Variants in PLCL1 observed in about 807,000 individuals in gnomAD.
The protein encoded by PLCL1 is inactive phospholipase C-like protein 1.
A neutral mutation model predicts 84.4 loss-of-function variants in PLCL1; 41 were observed. The ratio of observed to expected loss-of-function variants is 0.49; its 90% confidence interval spans 0.38 to 0.63. The LOEUF (loss-of-function observed/expected upper bound fraction) is 0.63. Among genes scored for constraint, PLCL1 ranks in the 30% least tolerant of loss-of-function variants. The pLI is 0.00. For synonymous variants in PLCL1, 490 were observed against 488.3 expected (o/e 1.00, Z -0.05); for missense variants, 1,206 against 1,367.8 (o/e 0.88, Z 1.87).
intron 3 of PLCL1, among the ~76,000 whole-genome samples, chr2:198,099,263 C>T (rs1054648619): frequency 6.6e-6 from 1 of 151,934 alleles, no homozygotes; most frequent in African/African-American, 2.4e-5. Context: ...ATTTTATTTC[C>T]ATCAGTATCA....
chr2:197,911,221 A>G lies in PLCL1; in HGVS notation c.240+105882A>G, dbSNP rs150403744. Among the ~76,000 whole-genome samples, 1,141 of 152,212 alleles carry G rather than the reference A, an allele frequency of 7.5e-3. 12 individuals carry two copies. Among genetic ancestry groups the G allele is most frequent in the African/African-American group, 0.025 (1,053 of 41,536 alleles). Reference sequence around the variant, plus strand: ...GCTGGTTGCTTGCCTCTTTAGTCCCAGCTACTCTGGAGGCTGAGGTGGGAG... The same window carrying G: ...GCTGGTTGCTTGCCTCTTTAGTCCCGGCTACTCTGGAGGCTGAGGTGGGAG... On this transcript the variant is annotated intron_variant, in intron 1 of 5. Transcript: ENST00000428675.
At position 198,024,141 on chromosome 2, in the gene PLCL1, CAG is replaced by C. The variant is rs199524109; in HGVS notation, c.241-59614_241-59613del. On this transcript the variant is annotated intron_variant, in intron 1 of 5. Transcript: ENST00000428675. ...GAAATCATCATTCTCAGCAAACTAA[CAG>C]AGGAACAGAAAACAAACACCACATG... Among the ~76,000 whole-genome samples, 1,366 of 152,242 alleles carry C rather than the reference CAG, an allele frequency of 9.0e-3. 21 individuals carry two copies. The highest frequency in any genetic ancestry group is 0.031 in the African/African-American group (1,302 of 41,540).
chr2:197,958,377 C>CA (rs531808263), intron 1 of PLCL1, among the ~76,000 whole-genome samples: 3,312 of 148,648 alleles, frequency 0.022, 40 homozygotes, highest in Non-Finnish European at 0.029. Flanking sequence ...AAAAGAATCG[C>CA]AAAAAAAAAC....
At chr2:198,126,803 G>A in intron 5 of PLCL1, among the ~76,000 whole-genome samples, 1 of 152,054 alleles carries the variant, frequency 6.6e-6, no homozygotes, top group East Asian at 1.9e-4. Flanking sequence ...TTCTTGGGAG[G>A]CTGAGGAGAG....
At chr2:197,999,637 G>T (rs965155335) in intron 1 of PLCL1, among the ~76,000 whole-genome samples, 4 of 152,142 alleles carry the variant, frequency 2.6e-5, no homozygotes, top group Admixed American at 6.6e-5. Flanking sequence ...TAGATGTATA[G>T]GGCGTTGCTG....
intron 1 of PLCL1, among the ~76,000 whole-genome samples, chr2:197,939,247 T>A (rs2105772535): frequency 6.6e-6 from 1 of 152,202 alleles, no homozygotes; most frequent in Admixed American, 6.5e-5. Context: ...ACAGGTGAAA[T>A]CAGATTTTAG....
chr2:198,074,767 C>G (rs1009769313), intron 1 of PLCL1, among the ~76,000 whole-genome samples: 4 of 152,186 alleles, frequency 2.6e-5, no homozygotes, highest in African/African-American at 9.7e-5. Flanking sequence ...GTGACATGAA[C>G]TCTATTTAAT....
At position 197,955,851 on chromosome 2, in the gene PLCL1, G is replaced by A. The variant is rs183741845; in HGVS notation, c.241-127907G>A. On this transcript the variant is annotated intron_variant, in intron 1 of 5. Transcript: ENST00000428675. ...AAGTTCTGGGATACATGTGCAGAAT[G>A]TGCAGGTTTGTTACATAGGTATACA... 3.0e-3 allele frequency among the ~76,000 whole-genome samples: 451 copies of A among 150,984 alleles called. 3 individuals are homozygous for A. Among genetic ancestry groups the A allele is most frequent in the Middle Eastern group, 0.011 (3 of 284 alleles).
intron 1 of PLCL1, among the ~76,000 whole-genome samples, chr2:197,935,180 T>A (rs1428603921): frequency 6.6e-6 from 1 of 152,200 alleles, no homozygotes; most frequent in Non-Finnish European, 1.5e-5. Context: ...TATACACTGC[T>A]GGGGTGGGAA....
At chr2:198,008,716 C>T (rs1478959451) in intron 1 of PLCL1, among the ~76,000 whole-genome samples, 3 of 151,968 alleles carry the variant, frequency 2.0e-5, no homozygotes, top group Non-Finnish European at 4.4e-5. Context: ...TGGATATATA[C>T]CCACAAATGG....
intron 1 of PLCL1, among the ~76,000 whole-genome samples, chr2:198,009,805 C>T (rs1260982310): frequency 6.6e-6 from 1 of 152,000 alleles, no homozygotes; most frequent in Non-Finnish European, 1.5e-5. Context: ...GTCTTTCAAC[C>T]CATGAGCATG....
chr2:197,922,963 C>T (rs1344199713), intron 1 of PLCL1, among the ~76,000 whole-genome samples: 1 of 118,930 alleles, frequency 8.4e-6, no homozygotes, highest in African/African-American at 3.2e-5. Flanking sequence ...CTGACCCCCC[C>T]ACCTCCCTCC....
intron 5 of PLCL1, among the ~76,000 whole-genome samples, 180 bp downstream of exon 5, chr2:198,104,116 G>T (rs1693412731): frequency 6.6e-6 from 1 of 151,906 alleles, no homozygotes; most frequent in African/African-American, 2.4e-5. Context: ...GGGGGCTGGA[G>T]TGCAGATTAT....
At chr2:197,991,482 G>C (rs886691443) in intron 1 of PLCL1, among the ~76,000 whole-genome samples, 3 of 151,996 alleles carry the variant, frequency 2.0e-5, no homozygotes, top group Non-Finnish European at 4.4e-5. Context: ...GGACAACTCT[G>C]ACAAATACAG....
chr2:198,061,077 A>C (rs151175277), intron 1 of PLCL1, among the ~76,000 whole-genome samples: 12 of 152,308 alleles, frequency 7.9e-5, no homozygotes, highest in African/African-American at 2.6e-4. Flanking sequence ...GCCAAGTGTA[A>C]TGATTAGCAA....
intron 1 of PLCL1, among the ~76,000 whole-genome samples, chr2:198,081,681 G>A (rs1475548918): frequency 6.6e-6 from 1 of 152,150 alleles, no homozygotes; most frequent in Non-Finnish European, 1.5e-5. Flanking sequence ...GTCACTTGAA[G>A]ATCTGATATA....
chr2:198,074,778 A>G (rs1188486273), intron 1 of PLCL1, among the ~76,000 whole-genome samples: 4 of 152,230 alleles, frequency 2.6e-5, no homozygotes, highest in Admixed American at 2.6e-4. Context: ...TCTATTTAAT[A>G]ATGTCTTATT....
intron 5 of PLCL1, among the ~76,000 whole-genome samples, chr2:198,144,399 AC>A (rs1694465596): frequency 6.6e-6 from 1 of 152,202 alleles, no homozygotes; most frequent in South Asian, 2.1e-4. Flanking sequence ...TATACATTAT[AC>A]ATATCTCTGT....
rs148188151 is a variant in PLCL1 at position 197,928,203 on chromosome 2, T to C, written c.240+122864T>C. On this transcript the variant is annotated intron_variant, in intron 1 of 5. Transcript: ENST00000428675. Reference sequence around the variant, plus strand: ...TCATGAGTAAGCATCCAGAATGATATATGTATTAGCTCTTCACTTTGGACA... The same window carrying C: ...TCATGAGTAAGCATCCAGAATGATACATGTATTAGCTCTTCACTTTGGACA... Among the ~76,000 whole-genome samples, 537 of 152,316 alleles carry C rather than the reference T, an allele frequency of 3.5e-3. 5 individuals are homozygous for C. The highest frequency in any genetic ancestry group is 5.4e-3 in the Non-Finnish European group (368 of 68,004).
Sources: allele counts gnomAD v4.1 joint callset (sites outside exome capture counted in the v4.1 genomes callset), GRCh38; gene constraint gnomAD v4.1.1; transcripts MANE v1.5; gene names NCBI Gene and HGNC (gene_info 2026-07-23, HGNC 2026-07-21).